Variants in SH3GL2 observed in about 807,000 individuals in gnomAD.
The protein encoded by SH3GL2 is SH3 domain containing GRB2 like 2, endophilin A1, also known as endophilin-A1.
A neutral mutation model predicts 46.0 loss-of-function variants in SH3GL2; 24 were observed. That is an observed-to-expected ratio of 0.52 (90% CI 0.38 to 0.73). The LOEUF (loss-of-function observed/expected upper bound fraction) is 0.73, where lower values mean the gene tolerates loss of function less well. SH3GL2 is among the 30% of genes least tolerant of loss of function. The probability of loss-of-function intolerance (pLI) is 0.00; values close to 1 mark genes in which losing one functional copy is unlikely to be tolerated. For synonymous variants in SH3GL2, 196 were observed against 147.1 expected (o/e 1.33, Z -2.40); for missense variants, 413 against 424.2 (o/e 0.97, Z 0.23).
intron 1 of SH3GL2, among the ~76,000 whole-genome samples, chr9:17,652,552 T>C (rs141216812): frequency 1.3e-5 from 2 of 152,220 alleles, no homozygotes; most frequent in East Asian, 3.9e-4. Context: ...TATTAATTAG[T>C]GTATTTACAT....
At chr9:17,709,911 G>A (rs950765469) in intron 1 of SH3GL2, among the ~76,000 whole-genome samples, 2 of 151,900 alleles carry the variant, frequency 1.3e-5, no homozygotes, top group African/African-American at 2.4e-5. Context: ...GAAGCCTAGT[G>A]AGGGAGATAG....
At chr9:17,697,230 T>G (rs2118173949) in intron 1 of SH3GL2, among the ~76,000 whole-genome samples, 1 of 151,598 alleles carries the variant, frequency 6.6e-6, no homozygotes, top group South Asian at 2.1e-4. Flanking sequence ...TGCATTTCTT[T>G]TTTTTTTTTT....
intron 1 of SH3GL2, among the ~76,000 whole-genome samples, chr9:17,594,513 A>T (rs1431386675): frequency 1.3e-5 from 2 of 152,110 alleles, no homozygotes; most frequent in Non-Finnish European, 2.9e-5. Context: ...GAGCATCAGG[A>T]CAAATGGCTA....
At chr9:17,597,612 C>T (rs1288203779) in intron 1 of SH3GL2, among the ~76,000 whole-genome samples, 4 of 151,996 alleles carry the variant, frequency 2.6e-5, no homozygotes, top group Admixed American at 6.6e-5. Flanking sequence ...GTATTATGTG[C>T]TTGTTAGGTG....
chr9:17,698,709 G>C (rs1256011393), intron 1 of SH3GL2, among the ~76,000 whole-genome samples: 3 of 152,192 alleles, frequency 2.0e-5, no homozygotes, highest in Non-Finnish European at 4.4e-5. Flanking sequence ...TGCTTATGCA[G>C]AAGAGGTGGA....
At chr9:17,669,822 C>T (rs1026135195) in intron 1 of SH3GL2, among the ~76,000 whole-genome samples, 3 of 152,072 alleles carry the variant, frequency 2.0e-5, no homozygotes, top group African/African-American at 7.3e-5. Context: ...GCTCAGAATT[C>T]TTGGTCTCAT....
intron 1 of SH3GL2, among the ~76,000 whole-genome samples, chr9:17,649,442 A>G (rs1264847159): frequency 6.6e-6 from 1 of 152,242 alleles, no homozygotes; most frequent in Admixed American, 6.5e-5. Flanking sequence ...TACAAATACT[A>G]CATTCTGATT....
chr9:17,603,990 G>T (rs979613134), intron 1 of SH3GL2, among the ~76,000 whole-genome samples: 1 of 152,116 alleles, frequency 6.6e-6, no homozygotes, highest in Non-Finnish European at 1.5e-5. Flanking sequence ...TTAAAAAATA[G>T]AAAAAAGGGT....
intron 1 of SH3GL2, among the ~76,000 whole-genome samples, chr9:17,586,685 A>T (rs1443616499): frequency 6.6e-6 from 1 of 152,138 alleles, no homozygotes; most frequent in Non-Finnish European, 1.5e-5. Flanking sequence ...GTGGGGTAAA[A>T]GCCCCTTATA....
At position 17,704,328 on chromosome 9, in the gene SH3GL2, A is replaced by G. The variant is rs1243258778; in HGVS notation, c.46-42738A>G. Among the ~76,000 whole-genome samples, 6 of 152,262 alleles carry G rather than the reference A, an allele frequency of 3.9e-5. No individual in the cohort carries two copies. In the East Asian group the frequency reaches 1.2e-3, roughly 29 times the overall value. Reference sequence around the variant, plus strand: ...AATGGAAAATATTTTATGCTCACAGATAGGAAGAATCAATATTGTTAAAAC... The same window carrying G: ...AATGGAAAATATTTTATGCTCACAGGTAGGAAGAATCAATATTGTTAAAAC... On this transcript the variant is annotated intron_variant, in intron 1 of 8. Transcript: ENST00000380607.
intron 1 of SH3GL2, among the ~76,000 whole-genome samples, chr9:17,738,655 G>T (rs1405382418): frequency 9.4e-5 from 12 of 127,558 alleles, no homozygotes; most frequent in African/African-American, 3.1e-4. Context: ...GAGAGAGAGA[G>T]AGAGAGAGAG....
intron 2 of SH3GL2, 99 bp downstream of exon 2, chr9:17,747,233 G>C (rs1822717456): frequency 1.5e-6 from 1 of 672,198 alleles, no homozygotes; most frequent in Non-Finnish European, 2.6e-6. Context: ...TTTTCCACTG[G>C]TCTCTGAGAA....
intron 1 of SH3GL2, among the ~76,000 whole-genome samples, chr9:17,699,443 C>T (rs966630490): frequency 6.6e-6 from 1 of 152,174 alleles, no homozygotes; most frequent in African/African-American, 2.4e-5. Flanking sequence ...GATATTCTCT[C>T]CTGTGCCTAG....
chr9:17,628,121 C>T (rs978078597), intron 1 of SH3GL2, among the ~76,000 whole-genome samples: 13 of 152,050 alleles, frequency 8.5e-5, no homozygotes, highest in East Asian at 3.9e-4. Flanking sequence ...TGAAGCTACC[C>T]GGAGTCTCAG....
chr9:17,636,704 A>C (rs1253958689), intron 1 of SH3GL2, among the ~76,000 whole-genome samples: 3 of 152,174 alleles, frequency 2.0e-5, no homozygotes, highest in African/African-American at 7.2e-5. Context: ...TATTCTTGGA[A>C]ATGATTTTAA....
At chr9:17,721,524 A>G (rs1041073641) in intron 1 of SH3GL2, among the ~76,000 whole-genome samples, 1 of 152,106 alleles carries the variant, frequency 6.6e-6, no homozygotes, top group African/African-American at 2.4e-5. Context: ...CCATTAAATG[A>G]ATGTACCATA....
At chr9:17,741,286 G>A (rs1458054167) in intron 1 of SH3GL2, among the ~76,000 whole-genome samples, 2 of 152,216 alleles carry the variant, frequency 1.3e-5, no homozygotes, top group South Asian at 2.1e-4. Context: ...AAACACATTT[G>A]CCTACATATG....
intron 1 of SH3GL2, among the ~76,000 whole-genome samples, chr9:17,706,194 C>A (rs894345788): frequency 6.6e-6 from 1 of 152,020 alleles, no homozygotes; most frequent in Non-Finnish European, 1.5e-5. Flanking sequence ...ATGCCCAAGG[C>A]CACTAAGTAG....
chr9:17,693,053 G>C (rs1821121981), intron 1 of SH3GL2, among the ~76,000 whole-genome samples: 1 of 152,130 alleles, frequency 6.6e-6, no homozygotes, highest in Non-Finnish European at 1.5e-5. Flanking sequence ...GTTGAGATTT[G>C]GATGGGGACA....
Sources: gnomAD v4.1 joint callset for allele counts (sites outside exome capture counted in the v4.1 genomes callset) on GRCh38, gnomAD v4.1.1 for gene constraint, MANE v1.5 for transcripts, NCBI Gene and HGNC (gene_info 2026-07-23, HGNC 2026-07-21) for gene names.